HS3ST1: variants seen among roughly 807,000 people sequenced by gnomAD.
HS3ST1 encodes the protein heparan sulfate glucosamine 3-O-sulfotransferase 1.
A neutral mutation model predicts 20.7 loss-of-function variants in HS3ST1; 8 were observed. That is an observed-to-expected ratio of 0.39 (90% CI 0.23 to 0.70). The LOEUF (loss-of-function observed/expected upper bound fraction) is 0.70. Among genes scored for constraint, HS3ST1 ranks in the 30% least tolerant of loss-of-function variants. HS3ST1 has a pLI of 0.46. For synonymous variants in HS3ST1, 205 were observed against 190.4 expected, an observed-to-expected ratio of 1.08 and a Z score of -0.63; for missense variants, 436 against 423.4, an observed-to-expected ratio of 1.03 and a Z score of -0.26.
Position 11,399,807 on chromosome 4 carries a change from T to C in HS3ST1, c.199A>G (p.Thr67Ala). The change falls in exon 2 of 2, where the codon ACG becomes GCG. Residue 67 changes from threonine to alanine, a missense_variant. Coordinates refer to ENST00000002596, the MANE Select transcript of HS3ST1 (RefSeq NM_005114.4). The surrounding 1 kb of genome is among the most constrained non-coding windows in gnomAD (Gnocchi z 5.1). Reference protein sequence around the residue: ...TIIIGVRKGGTRALLEMLSLH... With the variant: ...TIIIGVRKGGARALLEMLSLH... ...CTGAGCATCTCCAGCAGTGCGCGCGTGCCGCCCTTGCGCACGCCGATGATG... is the reference window on the plus strand; with the variant it reads ...CTGAGCATCTCCAGCAGTGCGCGCGCGCCGCCCTTGCGCACGCCGATGATG... 1 of 1,613,108 alleles carries C rather than the reference T, an allele frequency of 6.2e-7. No homozygotes were observed. Among genetic ancestry groups the C allele is most frequent in the Non-Finnish European group, 8.5e-7 (1 of 1,179,810 alleles).
rs945070516 is a variant in HS3ST1, at chr4:11,393,685, A to G, written c.*5397T>C. 6 of 152,240 alleles carry G rather than the reference A, an allele frequency of 3.9e-5. No homozygotes were observed. The highest frequency in any genetic ancestry group is 3.9e-4 in the Admixed American group (6 of 15,286). The allele number at this position is 152,240 out of a possible 1,614,324, so 9.4% of individuals were successfully genotyped here. A position where few individuals can be genotyped will look rare whatever the true frequency, so the allele number is the denominator to read the frequency against. ...AGTCTAGCCTCAGCCTGATCTCACG[A>G]GGAGCTCTGAGCATGAGTTGCACCA... On this transcript the variant is annotated 3_prime_UTR_variant, in exon 2 of 2. Coordinates refer to ENST00000002596, the MANE Select transcript of HS3ST1 (RefSeq NM_005114.4).
intron 1 of HS3ST1, among the ~76,000 whole-genome samples, chr4:11,420,170 G>A (rs1359970095): frequency 6.6e-6 from 1 of 152,206 alleles, no homozygotes; most frequent in Non-Finnish European, 1.5e-5. Context: ...ACAGGAACTG[G>A]TTATTTTGGC....
intron 1 of HS3ST1, among the ~76,000 whole-genome samples, chr4:11,402,332 A>G (rs1718347164): frequency 6.6e-6 from 1 of 152,274 alleles, no homozygotes; most frequent in South Asian, 2.1e-4. Flanking sequence ...AGAATGCTTT[A>G]GAAAGGATAG....
At chr4:11,414,295 CTCTT>C (rs1718710436) in intron 1 of HS3ST1, 1 of 149,866 alleles carries the variant, frequency 6.7e-6, no homozygotes, top group Non-Finnish European at 1.5e-5. Flanking sequence ...TGTTGTGTCT[CTCTT>C]TGAGTGTGTG....
upstream of HS3ST1, chr4:11,428,982 G>C (rs546918925): frequency 6.5e-6 from 1 of 153,038 alleles, no homozygotes; most frequent in Admixed American, 6.5e-5. Context: ...GGACGGAGGA[G>C]GCCGGGCCCG....
chr4:11,428,183 G>A (rs1300935730), intron 1 of HS3ST1, among the ~76,000 whole-genome samples: 1 of 152,250 alleles, frequency 6.6e-6, no homozygotes, highest in Non-Finnish European at 1.5e-5. Context: ...CTCTTTGGGA[G>A]ATGCCTATCT....
At chr4:11,426,026 C>T (rs1020042398) in intron 1 of HS3ST1, among the ~76,000 whole-genome samples, 1 of 152,188 alleles carries the variant, frequency 6.6e-6, no homozygotes, top group Non-Finnish European at 1.5e-5. Flanking sequence ...AGTTACCACT[C>T]TCCTGCAACA....
chr4:11,417,652 A>G lies in HS3ST1; in HGVS notation c.-109+11047T>C, dbSNP rs779974701. Among the ~76,000 whole-genome samples, 137 of 152,272 alleles carry G rather than the reference A, an allele frequency of 9.0e-4. 2 individuals carry two copies. The highest frequency in any genetic ancestry group is 1.6e-3 in the Admixed American group (24 of 15,268). The stretch of plus-strand genomic sequence containing the variant: ...ACATTCTGAATTATGGGACTGGGCA[A>G]TAACCTAATTATATTCGTGTTTTAC... On this transcript the variant is annotated intron_variant, in intron 1 of 1. Coordinates refer to ENST00000002596, the MANE Select transcript of HS3ST1 (RefSeq NM_005114.4).
At chr4:11,423,673 A>G (rs996575468) in intron 1 of HS3ST1, among the ~76,000 whole-genome samples, 10 of 152,196 alleles carry the variant, frequency 6.6e-5, no homozygotes, top group Admixed American at 3.3e-4. Flanking sequence ...CTGGAACTCA[A>G]TAAACGTGTT....
chr4:11,396,954 C>G lies in HS3ST1; in HGVS notation c.*2128G>C, dbSNP rs925063820. On this transcript the variant is annotated 3_prime_UTR_variant, in exon 2 of 2. Coordinates refer to ENST00000002596, the MANE Select transcript of HS3ST1 (RefSeq NM_005114.4). ...TTGCATCCACAGTTCATGCTTCTAC[C>G]AGACCATCCCTGTCAGGGGACAGGA... The G allele has an allele frequency of 6.6e-6, 1 of 152,334 alleles. No homozygotes were observed. The allele number at this position is 152,334 out of a possible 1,614,324, so 9.4% of individuals were successfully genotyped here. A position where few individuals can be genotyped will look rare whatever the true frequency, so the allele number is the denominator to read the frequency against.
At chr4:11,432,648 C>T (rs1474175669), upstream of HS3ST1, among the ~76,000 whole-genome samples, 3 of 152,168 alleles carry the variant, frequency 2.0e-5, no homozygotes, top group African/African-American at 4.8e-5. Context: ...AATTTTCACT[C>T]GTTTGACCAA....
chr4:11,430,668 C>T (rs1719186077), upstream of HS3ST1, among the ~76,000 whole-genome samples: 1 of 152,136 alleles, frequency 6.6e-6, no homozygotes, highest in Admixed American at 6.5e-5. Flanking sequence ...TCTGTTTGCA[C>T]CCTGGAAGCC....
intron 1 of HS3ST1, among the ~76,000 whole-genome samples, chr4:11,406,927 G>A (rs982767633): frequency 2.0e-5 from 3 of 151,736 alleles, no homozygotes; most frequent in African/African-American, 7.3e-5. Flanking sequence ...TGTTAAGAAC[G>A]AAACATGTCT....
At chr4:11,407,272 C>T (rs188485691) in intron 1 of HS3ST1, among the ~76,000 whole-genome samples, 319 of 152,276 alleles carry the variant, frequency 2.1e-3, no homozygotes, top group African/African-American at 7.4e-3. Context: ...ACCACATTTA[C>T]TATGCAGTGG....
chr4:11,414,639 C>G (rs1043773434), intron 1 of HS3ST1, among the ~76,000 whole-genome samples: 5 of 152,150 alleles, frequency 3.3e-5, no homozygotes, highest in African/African-American at 4.8e-5. Flanking sequence ...AAATCTAAAC[C>G]AACAGATTCG....
chr4:11,415,969 G>A (rs1445818739), intron 1 of HS3ST1, among the ~76,000 whole-genome samples: 2 of 152,174 alleles, frequency 1.3e-5, no homozygotes, highest in Non-Finnish European at 2.9e-5. Context: ...GGCAGGAGCA[G>A]GCTGCTCCAG....
At position 11,411,830 on chromosome 4, in the gene HS3ST1, G is replaced by A. The variant is rs181564324; in HGVS notation, c.-108-11717C>T. 1.5e-3 allele frequency among the ~76,000 whole-genome samples: 222 copies of A among 152,316 alleles called. 1 individual carries two copies. Among genetic ancestry groups the A allele is most frequent in the African/African-American group, 3.5e-3 (145 of 41,570 alleles). ...TCATCAAGATGAATTACAGGAGCTCGGAGTCGGGAGGCTGGTGATTAAGGG... is the reference window on the plus strand; with the variant it reads ...TCATCAAGATGAATTACAGGAGCTCAGAGTCGGGAGGCTGGTGATTAAGGG... On this transcript the variant is annotated intron_variant, in intron 1 of 1. Transcript: ENST00000002596.
At chr4:11,429,284 C>T (rs1311731997), upstream of HS3ST1, 2 of 152,554 alleles carry the variant, frequency 1.3e-5, no homozygotes, top group South Asian at 4.1e-4. Context: ...CGGGACGTCC[C>T]GTCTACTCCC....
chr4:11,424,323 A>G (rs1186196775), intron 1 of HS3ST1, among the ~76,000 whole-genome samples: 2 of 152,218 alleles, frequency 1.3e-5, no homozygotes, highest in Non-Finnish European at 2.9e-5. Flanking sequence ...TAATGTATTC[A>G]TTTTTCTAGA....
Sources: allele counts gnomAD v4.1 joint callset (sites outside exome capture counted in the v4.1 genomes callset), GRCh38; gene constraint gnomAD v4.1.1; non-coding constraint Gnocchi (gnomAD v3.1); transcripts MANE v1.5; gene names NCBI Gene and HGNC (gene_info 2026-07-23, HGNC 2026-07-21).